DNAH9: variants seen among roughly 807,000 people sequenced by gnomAD.
DNAH9 encodes dynein axonemal heavy chain 9.
A neutral mutation model predicts 471.6 loss-of-function variants in DNAH9; 345 were observed. That is an observed-to-expected ratio of 0.73 (90% confidence interval 0.67 to 0.80). DNAH9 has a LOEUF of 0.80. DNAH9 is among the 30% of genes least tolerant of loss of function. The pLI, the probability that DNAH9 is intolerant of heterozygous loss-of-function variation, is 0.00. For missense variants in DNAH9, 5,407 were observed against 5,609.2 expected (o/e 0.96, Z 1.15); for synonymous variants, 2,093 against 2,123.6 (o/e 0.99, Z 0.40).
At chr17:11,719,255 A>C in intron 26 of DNAH9, 79 bp from the exon 27 acceptor site, 4 of 1,407,142 alleles carry the variant, frequency 2.8e-6, no homozygotes, top group Non-Finnish European at 2.9e-6. Context: ...GCTATGCCAG[A>C]TCTCACATGG....
Position 11,652,280 on chromosome 17 carries a change from C to CTTTTTT in DNAH9, c.2354-463_2354-458dup, listed in dbSNP as rs11450398. On this transcript the variant is annotated intron_variant, in intron 13 of 68. Coordinates refer to ENST00000262442, the MANE Select transcript of DNAH9 (RefSeq NM_001372.4). Reference sequence around the variant, plus strand: ...TAATCAGGATTATGGTAAGGGTAGGCTTTTTTTTTTTTTTTTTTTTTTTGA... The same window carrying CTTTTTT: ...TAATCAGGATTATGGTAAGGGTAGGCTTTTTTTTTTTTTTTTTTTTTTTTTTTTTGA... Among the ~76,000 whole-genome samples, 64 of 79,136 alleles carry CTTTTTT rather than the reference C, an allele frequency of 8.1e-4. 1 individual carries two copies. Among genetic ancestry groups the CTTTTTT allele is most frequent in the Admixed American group, 1.0e-3 (5 of 4,912 alleles). 51.9% of individuals were successfully genotyped at this position (79,136 alleles called of 152,430 possible). A position where few individuals can be genotyped will look rare whatever the true frequency, so the allele number is the denominator to read the frequency against.
intron 19 of DNAH9, among the ~76,000 whole-genome samples, chr17:11,684,753 G>A (rs1449297142): frequency 2.0e-5 from 3 of 152,130 alleles, no homozygotes; most frequent in Non-Finnish European, 4.4e-5. Flanking sequence ...ATCTTCCATG[G>A]GGTGCTGTCC....
chr17:11,905,865 C>T (rs1973580964), intron 61 of DNAH9, 56 bp downstream of exon 61: 1 of 1,532,432 alleles, frequency 6.5e-7, no homozygotes, highest in Non-Finnish European at 8.8e-7. Flanking sequence ...CACTTTCATT[C>T]TTGGGGTCTA....
intron 56 of DNAH9, among the ~76,000 whole-genome samples, chr17:11,885,343 T>C (rs1361125873): frequency 6.6e-6 from 1 of 152,148 alleles, no homozygotes; most frequent in Non-Finnish European, 1.5e-5. Context: ...CTGGAAGTGG[T>C]CACTGGCAAT....
At chr17:11,729,316 G>A (rs2075217366) in intron 28 of DNAH9, among the ~76,000 whole-genome samples, 1 of 152,050 alleles carries the variant, frequency 6.6e-6, no homozygotes. Flanking sequence ...CCTGCTAGGG[G>A]CGGCTGGTTT....
At chr17:11,701,996 A>C (rs2074608689) in intron 24 of DNAH9, among the ~76,000 whole-genome samples, 1 of 152,020 alleles carries the variant, frequency 6.6e-6, no homozygotes, top group Admixed American at 6.6e-5. Flanking sequence ...CAGGTGTTTT[A>C]ATAGGGGAGG....
intron 65 of DNAH9, among the ~76,000 whole-genome samples, chr17:11,936,665 A>AAAATG (rs1974724195): frequency 6.6e-6 from 1 of 152,164 alleles, no homozygotes; most frequent in African/African-American, 2.4e-5. Context: ...AAAATAAAAT[A>AAAATG]AAATAAAACT....
intron 48 of DNAH9, 52 bp downstream of exon 48, chr17:11,823,086 G>A: frequency 1.3e-6 from 2 of 1,504,130 alleles, no homozygotes; most frequent in Non-Finnish European, 1.8e-6. Context: ...GGGAGCTGAA[G>A]CAGCCCTTTC....
chr17:11,624,872 A>C (rs975954264), intron 6 of DNAH9, among the ~76,000 whole-genome samples: 1 of 152,126 alleles, frequency 6.6e-6, no homozygotes, highest in Non-Finnish European at 1.5e-5. Flanking sequence ...CTAGGTCTTT[A>C]TATCAAAGTA....
At chr17:11,599,351 G>C (rs1024627252) in intron 1 of DNAH9, among the ~76,000 whole-genome samples, 1 of 152,118 alleles carries the variant, frequency 6.6e-6, no homozygotes, top group African/African-American at 2.4e-5. Flanking sequence ...TGGACAAGAC[G>C]GCATTTCTGA....
At chr17:11,759,086 CT>C (rs892016073) in intron 35 of DNAH9, among the ~76,000 whole-genome samples, 11 of 23,944 alleles carry the variant, frequency 4.6e-4, no homozygotes, top group African/African-American at 6.2e-4. Flanking sequence ...TATCCCTGTT[CT>C]TTTTTTTTTT....
Position 11,652,943 on chromosome 17 carries a change from A to AT in DNAH9, c.2537dup (p.Met846IlefsTer14). 1 of 1,614,132 alleles carries AT rather than the reference A, an allele frequency of 6.2e-7. No homozygotes were observed. The highest frequency in any genetic ancestry group is 8.5e-7 in the Non-Finnish European group (1 of 1,179,968). On this transcript the variant is annotated frameshift_variant, in exon 14 of 69. Transcript: ENST00000262442. LOFTEE classifies it high-confidence loss of function. ...TTCTCTGGATGATCGGCATGATCGA[A>AT]TGGAAAAATATTACAATCTCATCAA...
At chr17:11,946,657 C>G (rs112626764) in intron 67 of DNAH9, among the ~76,000 whole-genome samples, 13 of 122,034 alleles carry the variant, frequency 1.1e-4, no homozygotes, top group African/African-American at 3.9e-4. Flanking sequence ...GAGCAAGACT[C>G]CATCTCAAAA....
At position 11,961,868 on chromosome 17, in the gene DNAH9, G is replaced by A; in HGVS notation, c.12845G>A (p.Gly4282Glu). The A allele has an allele frequency of 6.3e-7, 1 of 1,597,588 alleles. No homozygotes were observed. The highest frequency in any genetic ancestry group is 2.2e-5 in the East Asian group (1 of 44,564). The change falls in exon 68 of 69, where the codon GGG becomes GAG. Residue 4282 changes from glycine to glutamate, a missense_variant and splice_region_variant. Around this residue, in one of 3 missense-constraint regions of DNAH9, gnomAD observed 4,636 missense variants for 4,900.3 expected, o/e 0.95. Transcript: ENST00000262442. Reference protein sequence around the residue: ...SLRELELGLKGELTMTSHMEN... With the variant: ...SLRELELGLKEELTMTSHMEN... ...CCCCCTCCCATTCTTTATCTTCAGG[G>A]GGAGCTGACTATGACCAGCCACATG...
In DNAH9 at chr17:11,875,180, A is replaced by G. The variant is rs558960945; in HGVS notation, c.10474A>G (p.Lys3492Glu). The change falls in exon 53 of 69, where the codon AAA becomes GAA. Residue 3492 changes from lysine (K) to glutamate (E), a missense_variant. Lys to Glu is a moderately conservative substitution (Grantham distance 56). Around this residue, in one of 3 missense-constraint regions of DNAH9, gnomAD observed 4,636 missense variants for 4,900.3 expected, o/e 0.95. Transcript: ENST00000262442. Reference protein sequence around the residue: ...EDLRVTQIGQKGYLQIIEQAL... With the variant: ...EDLRVTQIGQEGYLQIIEQAL... ...TCTCCGGGTCACGCAGATTGGTCAG[A>G]AAGGGTAAGTGGTTGAGCACAGAAG... is the stretch of plus-strand genomic sequence containing the variant. The G allele has an allele frequency of 6.2e-7, 1 of 1,613,488 alleles. No homozygotes were observed. The highest frequency in any genetic ancestry group is 1.1e-5 in the South Asian group (1 of 90,982).
rs7217670 is a variant in DNAH9, at chr17:11,701,761, C to G, written c.5151+514C>G. Among the ~76,000 whole-genome samples, 554 of 152,300 alleles carry G rather than the reference C, an allele frequency of 3.6e-3. 5 individuals are homozygous for G. Among genetic ancestry groups the G allele is most frequent in the African/African-American group, 0.013 (527 of 41,566 alleles). On this transcript the variant is annotated intron_variant, in intron 24 of 68. Transcript: ENST00000262442. ...TGCCACGATGTCGGCTCACTGCAAC[C>G]TCCACCTCCCAAGTTCAAGCCACTC... is the stretch of plus-strand genomic sequence containing the variant.
At position 11,659,811 on chromosome 17, in the gene DNAH9, G is replaced by A. The variant is rs370220474; in HGVS notation, c.2596-5022G>A. Among the ~76,000 whole-genome samples the A allele has an allele frequency of 2.7e-4, 41 of 152,264 alleles. No individual in the cohort carries two copies. In the South Asian group the frequency reaches 4.6e-3, roughly 17 times the overall value. On this transcript the variant is annotated intron_variant, in intron 14 of 68. Coordinates refer to ENST00000262442, the MANE Select transcript of DNAH9 (RefSeq NM_001372.4). Reference sequence around the variant, plus strand: ...GGGCCTTCACAGCCTCCAAACTGGCGTTGGCCCCCTGGGCCCACCCTATGT... The same window carrying A: ...GGGCCTTCACAGCCTCCAAACTGGCATTGGCCCCCTGGGCCCACCCTATGT...
chr17:11,834,702 C>G lies in DNAH9; in HGVS notation c.9311C>G (p.Ala3104Gly), dbSNP rs762039340. Residue 3104 changes from alanine (A) to glycine (G), a missense_variant, in exon 49 of 69, where the codon GCA becomes GGA. Physicochemically the swap from Ala to Gly is moderately conservative, Grantham distance 60. Transcript: ENST00000262442. ...GAGCTGAAGCAGAAAAATGAAGATG[C>G]AGACAAACTGATTCAGGTCGTGGGT... ...EVELKQKNED[A>G]DKLIQVVGVE... 9 of 1,614,024 alleles carry G rather than the reference C, an allele frequency of 5.6e-6. No homozygotes were observed. Among genetic ancestry groups the G allele is most frequent in the Non-Finnish European group, 7.6e-6 (9 of 1,179,976 alleles).
intron 62 of DNAH9, among the ~76,000 whole-genome samples, chr17:11,926,437 T>A (rs1257370204): frequency 1.3e-5 from 2 of 152,102 alleles, no homozygotes; most frequent in African/African-American, 2.4e-5. Context: ...CCTCAGTGTG[T>A]TTGTTCCCCG....
Sources: allele counts gnomAD v4.1 joint callset (sites outside exome capture counted in the v4.1 genomes callset), GRCh38; gene constraint gnomAD v4.1.1; regional missense constraint gnomAD v4.1.1; transcripts MANE v1.5; gene names NCBI Gene and HGNC (gene_info 2026-07-23, HGNC 2026-07-21).